TM9SF2: variants seen among roughly 807,000 people sequenced by gnomAD.
The protein encoded by TM9SF2 is 76 kDa membrane protein.
In TM9SF2, 13 loss-of-function variants were observed where a neutral mutation model predicts 84.9. The observed-to-expected ratio is 0.15, with a 90% CI of 0.10 to 0.24. TM9SF2 has a LOEUF of 0.24. Among genes scored for constraint, TM9SF2 ranks in the 10% least tolerant of loss-of-function variants. The probability of loss-of-function intolerance (pLI) is 1.00; values close to 1 mark genes in which losing one functional copy is unlikely to be tolerated. For synonymous variants in TM9SF2, 273 were observed against 285.8 expected (o/e 0.96, Z 0.45); for missense variants, 562 against 818.5 (o/e 0.69, Z 3.82).
intron 12 of TM9SF2, among the ~76,000 whole-genome samples, chr13:99,550,532 T>G (rs1454949939): frequency 6.6e-6 from 1 of 152,178 alleles, no homozygotes; most frequent in Non-Finnish European, 1.5e-5. Flanking sequence ...TGATCAACCC[T>G]TCTCTGATTG....
At chr13:99,538,498 T>A (rs539258171) in intron 6 of TM9SF2, among the ~76,000 whole-genome samples, 11 of 152,132 alleles carry the variant, frequency 7.2e-5, no homozygotes, top group South Asian at 4.1e-4. Context: ...TTTTTTTTTT[T>A]AAATAAGATT....
intron 3 of TM9SF2, among the ~76,000 whole-genome samples, chr13:99,526,749 T>G (rs774071403): frequency 1.3e-5 from 2 of 152,098 alleles, no homozygotes; most frequent in Non-Finnish European, 2.9e-5. Flanking sequence ...ATCGTTGATA[T>G]AGATGTAATC....
chr13:99,527,487 CA>C (rs1358184783), intron 3 of TM9SF2, among the ~76,000 whole-genome samples: 1 of 152,184 alleles, frequency 6.6e-6, no homozygotes, highest in Non-Finnish European at 1.5e-5. Flanking sequence ...CACTCACTAT[CA>C]CAAGAACAGC....
rs750218323 is a variant in TM9SF2 at position 99,541,673 on chromosome 13, T to C, written c.1017+6T>C. On this transcript the variant is annotated splice_donor_region_variant and intron_variant, in intron 9 of 16. Transcript: ENST00000376387. ...ATAATCAGATGGACTCTACGGTAAG[T>C]GGAAACATTTTAGTCTTTAGTCTGC... The C allele has an allele frequency of 6.3e-7, 1 of 1,585,596 alleles. No homozygotes were observed. Among genetic ancestry groups the C allele is most frequent in the African/African-American group, 1.4e-5 (1 of 74,046 alleles).
chr13:99,550,692 A>G (rs779072578), intron 12 of TM9SF2, among the ~76,000 whole-genome samples: 1 of 152,252 alleles, frequency 6.6e-6, no homozygotes, highest in Non-Finnish European at 1.5e-5. Flanking sequence ...ATACAATTCT[A>G]CATAAATAAA....
At chr13:99,539,055 T>C (rs988905896) in intron 6 of TM9SF2, among the ~76,000 whole-genome samples, 15 of 151,222 alleles carry the variant, frequency 9.9e-5, no homozygotes, top group African/African-American at 3.6e-4. Context: ...AATGAAAAAT[T>C]AGCTGGGCGT....
intron 14 of TM9SF2, among the ~76,000 whole-genome samples, 153 bp from the exon 15 acceptor site, chr13:99,555,383 C>G (rs547532526): frequency 6.6e-6 from 1 of 152,166 alleles, no homozygotes; most frequent in Non-Finnish European, 1.5e-5. Flanking sequence ...CCTTCCCCAC[C>G]CCATCACCAT....
intron 1 of TM9SF2, among the ~76,000 whole-genome samples, chr13:99,513,383 A>C (rs867761488): frequency 6.6e-6 from 1 of 152,202 alleles, no homozygotes; most frequent in Middle Eastern, 3.2e-3. Context: ...AAATGAGAAT[A>C]ATGTTTTCCC....
At chr13:99,515,594 A>G (rs2046130463) in intron 1 of TM9SF2, among the ~76,000 whole-genome samples, 1 of 152,212 alleles carries the variant, frequency 6.6e-6, no homozygotes, top group South Asian at 2.1e-4. Context: ...TTAGTGGATG[A>G]ACACTTCCCT....
chr13:99,516,871 C>G (rs989003660), intron 1 of TM9SF2, among the ~76,000 whole-genome samples: 38 of 152,198 alleles, frequency 2.5e-4, no homozygotes, highest in African/African-American at 8.7e-4. Flanking sequence ...AATTTCTAAC[C>G]AACTTGGCAG....
intron 4 of TM9SF2, among the ~76,000 whole-genome samples, chr13:99,531,260 G>A (rs1361889585): frequency 6.6e-6 from 1 of 152,106 alleles, no homozygotes; most frequent in African/African-American, 2.4e-5. Context: ...TATATTCTGT[G>A]GGGATCATAG....
At chr13:99,555,117 G>A (rs888406824) in intron 14 of TM9SF2, among the ~76,000 whole-genome samples, 1 of 152,108 alleles carries the variant, frequency 6.6e-6, no homozygotes, top group African/African-American at 2.4e-5. Context: ...CTAAATTTGA[G>A]CTTTTTAATG....
Position 99,529,588 on chromosome 13 carries a change from A to G in TM9SF2, c.455A>G (p.His152Arg). Residue 152 changes from histidine to arginine, a missense_variant, in exon 4 of 17, where the codon CAT becomes CGT. Physicochemically the swap from His to Arg is conservative, Grantham distance 29. This residue lies in a region of TM9SF2 where 267 missense variants were observed against 316.7 expected (regional missense o/e 0.84). Transcript: ENST00000376387. ...AAAAGCATGTTATTGAATTATCAAC[A>G]TCACTGGTAAGGCATGAATATTTTC... ...LKKSMLLNYQ[H>R]HWIVDNMPVT... The G allele has an allele frequency of 1.3e-6, 2 of 1,574,428 alleles. No homozygotes were observed. The highest frequency in any genetic ancestry group is 1.2e-5 in the South Asian group (1 of 83,254).
chr13:99,517,038 A>T (rs1409590541), intron 1 of TM9SF2, among the ~76,000 whole-genome samples: 1 of 152,200 alleles, frequency 6.6e-6, no homozygotes, highest in Non-Finnish European at 1.5e-5. Context: ...TTAATTTTTT[A>T]GAAAATTTAG....
At chr13:99,536,770 A>G (rs1016581167) in intron 5 of TM9SF2, 33 bp downstream of exon 5, 2 of 1,607,384 alleles carry the variant, frequency 1.2e-6, no homozygotes, top group African/African-American at 2.7e-5. Context: ...GCTGCTTTTT[A>G]AAACATGGCT....
chr13:99,520,661 C>T (rs371775869), intron 3 of TM9SF2, among the ~76,000 whole-genome samples: 5 of 152,266 alleles, frequency 3.3e-5, no homozygotes, highest in East Asian at 1.9e-4. Context: ...CTCTGCCTCC[C>T]GGGTTCAAGC....
intron 1 of TM9SF2, among the ~76,000 whole-genome samples, chr13:99,517,207 G>A (rs975774387): frequency 6.6e-6 from 1 of 152,214 alleles, no homozygotes; most frequent in East Asian, 1.9e-4. Flanking sequence ...TCAAACTCCT[G>A]GGCTCAAGTG....
intron 3 of TM9SF2, among the ~76,000 whole-genome samples, chr13:99,522,055 C>T (rs1364707108): frequency 6.6e-6 from 1 of 152,048 alleles, no homozygotes; most frequent in Admixed American, 6.6e-5. Context: ...GAGTGTCACT[C>T]TATTGCTCAG....
intron 3 of TM9SF2, among the ~76,000 whole-genome samples, chr13:99,521,479 C>T (rs529704483): frequency 1.2e-4 from 19 of 152,220 alleles, no homozygotes; most frequent in Middle Eastern, 3.4e-3. Context: ...TGCTTTCTCA[C>T]GAGGCACCCC....
Sources: gnomAD v4.1 joint callset for allele counts (sites outside exome capture counted in the v4.1 genomes callset) on GRCh38, gnomAD v4.1.1 for gene constraint, gnomAD v4.1.1 regional missense constraint, MANE v1.5 for transcripts, NCBI Gene and HGNC (gene_info 2026-07-23, HGNC 2026-07-21) for gene names.